Variants in CAST observed in about 807,000 individuals in gnomAD.
The protein encoded by CAST is calpastatin, also known as MIR583 host.
A neutral mutation model predicts 119.6 loss-of-function variants in CAST; 76 were observed. The observed-to-expected ratio is 0.64, with a 90% confidence interval of 0.53 to 0.77. The LOEUF is 0.77. Among genes scored for constraint, CAST ranks in the 30% least tolerant of loss-of-function variants. The probability of loss-of-function intolerance (pLI) is 0.00; values close to 1 mark genes in which losing one functional copy is unlikely to be tolerated. For synonymous variants in CAST, 319 were observed against 331.6 expected (o/e 0.96, Z 0.41); for missense variants, 953 against 946.5 (o/e 1.01, Z -0.09).
At chr5:96,484,582 G>T in the CAST span, among the ~76,000 whole-genome samples, 4,202 of 152,120 alleles carry the variant, frequency 0.028, 178 homozygotes, top group African/African-American at 0.092. Flanking sequence ...CAGTTTCTAT[G>T]AATATTCACT....
the CAST span, among the ~76,000 whole-genome samples, chr5:96,147,658 CAAAT>C: frequency 1.3e-5 from 2 of 152,016 alleles, no homozygotes; most frequent in Non-Finnish European, 2.9e-5. Context: ...AACAAAAGAA[CAAAT>C]AATTTGGTAA....
rs1317548691 is a variant in CAST, at chr5:96,737,854, C to T, written c.705C>T (p.Gly235=). Residue 235 remains glycine (G), a synonymous_variant, in exon 11 of 32, where the codon GGC becomes GGT. Transcript: ENST00000675179. The stretch of plus-strand genomic sequence containing the variant: ...ATCTGTTCTTTCTTTTCCAGTCAGG[C>T]ATGGATGCTGCTTTGGATGACTTAA... The part of the protein sequence containing the change: ...SKPDKPSGKS[G]MDAALDDLID... 14 of 1,559,966 alleles carry T rather than the reference C, an allele frequency of 9.0e-6. No homozygotes were observed. The Middle Eastern group carries it at 5.0e-4, about 56-fold the overall frequency.
intron 1 of CAST, among the ~76,000 whole-genome samples, chr5:96,643,939 C>T (rs1241784571): frequency 6.6e-6 from 1 of 152,000 alleles, no homozygotes; most frequent in African/African-American, 2.4e-5. Context: ...ATCCCATCTA[C>T]TCAGGAGACT....
intron 1 of CAST, among the ~76,000 whole-genome samples, chr5:96,575,117 T>A (rs1448190377): frequency 1.3e-5 from 2 of 152,168 alleles, no homozygotes; most frequent in Admixed American, 6.5e-5. Context: ...AAGATATAGA[T>A]CCTATAAAAT....
At chr5:96,082,061 A>G in the CAST span, among the ~76,000 whole-genome samples, 91,154 of 151,812 alleles carry the variant, frequency 0.6, 27,577 homozygotes, top group Non-Finnish European at 0.63. Context: ...CTACAGGCGC[A>G]CGCTACCACA....
the CAST span, among the ~76,000 whole-genome samples, chr5:96,176,044 C>G: frequency 6.6e-6 from 1 of 152,148 alleles, no homozygotes; most frequent in Non-Finnish European, 1.5e-5. Context: ...TCGTCTAGCT[C>G]TATTTTGGAG....
the CAST span, among the ~76,000 whole-genome samples, chr5:96,169,622 G>A: frequency 3.3e-5 from 5 of 152,256 alleles, no homozygotes; most frequent in East Asian, 9.6e-4. Context: ...AGCGTGCTGT[G>A]GGATGGGATA....
At chr5:96,296,979 T>A in the CAST span, among the ~76,000 whole-genome samples, 1 of 152,238 alleles carries the variant, frequency 6.6e-6, no homozygotes, top group Non-Finnish European at 1.5e-5. Flanking sequence ...GGGTTTGCAT[T>A]ACTCTGAATT....
the CAST span, among the ~76,000 whole-genome samples, chr5:96,374,133 C>G: frequency 6.6e-6 from 1 of 152,166 alleles, no homozygotes; most frequent in Non-Finnish European, 1.5e-5. Flanking sequence ...GCCAGCTACT[C>G]AGATAAACTT....
At chr5:96,519,130 G>T in the CAST span, among the ~76,000 whole-genome samples, 1 of 152,138 alleles carries the variant, frequency 6.6e-6, no homozygotes, top group African/African-American at 2.4e-5. Context: ...AAATTTTCTG[G>T]AAGATTTCTT....
At chr5:96,642,703 A>C (rs1187850682) in intron 1 of CAST, among the ~76,000 whole-genome samples, 1 of 151,920 alleles carries the variant, frequency 6.6e-6, no homozygotes, top group Non-Finnish European at 1.5e-5. Context: ...CACCACGCCC[A>C]GCTAATTTTT....
chr5:96,104,183 T>A, the CAST span, among the ~76,000 whole-genome samples: 10 of 152,342 alleles, frequency 6.6e-5, no homozygotes, highest in East Asian at 1.9e-3. Flanking sequence ...ATTTTGTAGG[T>A]TGCCTGTTCA....
At chr5:96,607,389 C>G (rs1319734568) in intron 1 of CAST, among the ~76,000 whole-genome samples, 1 of 152,212 alleles carries the variant, frequency 6.6e-6, no homozygotes, top group Non-Finnish European at 1.5e-5. Context: ...CTTTTCACTT[C>G]ATTCACTGCT....
the CAST span, among the ~76,000 whole-genome samples, chr5:95,972,506 T>C: frequency 6.6e-6 from 1 of 152,176 alleles, no homozygotes; most frequent in Admixed American, 6.5e-5. Flanking sequence ...TCCATGTGTT[T>C]GTTTGCCATT....
At chr5:96,108,685 G>A in the CAST span, among the ~76,000 whole-genome samples, 3 of 152,350 alleles carry the variant, frequency 2.0e-5, no homozygotes, top group African/African-American at 2.4e-5. Flanking sequence ...TTGTTTGTCT[G>A]TGCCCTGCCC....
chr5:96,039,680 G>A, the CAST span, among the ~76,000 whole-genome samples: 1 of 151,966 alleles, frequency 6.6e-6, no homozygotes, highest in African/African-American at 2.4e-5. Context: ...ATCAGATGGT[G>A]CTAGATGTGT....
chr5:96,655,130 C>T (rs550101826), intron 1 of CAST, among the ~76,000 whole-genome samples: 3 of 152,178 alleles, frequency 2.0e-5, no homozygotes, highest in Admixed American at 6.5e-5. Flanking sequence ...CTTTCAAGAC[C>T]TATAGGTGAT....
the CAST span, chr5:95,961,556 T>TGCCG: frequency 6.4e-7 from 1 of 1,563,616 alleles, no homozygotes; most frequent in African/African-American, 1.4e-5. Flanking sequence ...GAGCCCAGCC[T>TGCCG]GCCGGCCGGC....
At chr5:96,341,068 C>G in the CAST span, among the ~76,000 whole-genome samples, 17 of 152,152 alleles carry the variant, frequency 1.1e-4, no homozygotes, top group Non-Finnish European at 2.4e-4. Flanking sequence ...ACTAATAAAA[C>G]TAGATTTTCT....
Sources: allele counts gnomAD v4.1 joint callset (sites outside exome capture counted in the v4.1 genomes callset), GRCh38; gene constraint gnomAD v4.1.1; transcripts MANE v1.5; gene names NCBI Gene and HGNC (gene_info 2026-07-23, HGNC 2026-07-21).